GLIS3: variants seen among roughly 807,000 people sequenced by gnomAD.
The protein encoded by GLIS3 is zinc finger protein GLIS3.
A neutral mutation model predicts 78.6 loss-of-function variants in GLIS3; 53 were observed. The ratio of observed to expected loss-of-function variants is 0.67; its 90% CI spans 0.54 to 0.85. The LOEUF is 0.85. Among genes scored for constraint, GLIS3 ranks in the 40% least tolerant of loss-of-function variants. GLIS3 has a pLI of 0.00. For missense variants in GLIS3, 1,703 were observed against 1,231.1 expected, an observed-to-expected ratio of 1.38 and a Z score of -5.74; for synonymous variants, 684 against 509.9, an observed-to-expected ratio of 1.34 and a Z score of -4.60.
the GLIS3 span, among the ~76,000 whole-genome samples, chr9:4,385,889 C>A: frequency 6.6e-6 from 1 of 152,076 alleles, no homozygotes; most frequent in African/African-American, 2.4e-5. Context: ...CTGAGCCAAT[C>A]CCGAAAGAGA....
intron 4 of GLIS3, among the ~76,000 whole-genome samples, chr9:4,060,345 T>G (rs78837883): frequency 0.017 from 2,564 of 152,314 alleles, 67 homozygotes; most frequent in African/African-American, 0.059. Context: ...CTAGCCAGCC[T>G]GCTTCTCGTC....
intron 2 of GLIS3, among the ~76,000 whole-genome samples, chr9:4,260,251 T>C (rs1825384191): frequency 6.6e-6 from 1 of 152,082 alleles, no homozygotes; most frequent in Non-Finnish European, 1.5e-5. Context: ...CCCAACATGG[T>C]GAAACCCTGT....
chr9:4,233,897 AC>A (rs1027919273), intron 2 of GLIS3, among the ~76,000 whole-genome samples: 1 of 152,212 alleles, frequency 6.6e-6, no homozygotes, highest in Non-Finnish European at 1.5e-5. Flanking sequence ...CTACATCACC[AC>A]TTGCTGCTTC....
At chr9:3,960,789 A>G (rs1435704067) in intron 4 of GLIS3, among the ~76,000 whole-genome samples, 11 of 152,202 alleles carry the variant, frequency 7.2e-5, no homozygotes, top group Non-Finnish European at 1.5e-4. Flanking sequence ...GTGCCTTACA[A>G]AAATTTTGCT....
chr9:3,861,742 A>G (rs1036851768), intron 8 of GLIS3, among the ~76,000 whole-genome samples: 5 of 152,202 alleles, frequency 3.3e-5, no homozygotes, highest in African/African-American at 1.2e-4. Flanking sequence ...CAATGAGAAC[A>G]CATGGACACA....
At chr9:4,259,911 C>A (rs1342577489) in intron 2 of GLIS3, among the ~76,000 whole-genome samples, 2 of 152,192 alleles carry the variant, frequency 1.3e-5, no homozygotes, top group East Asian at 3.8e-4. Flanking sequence ...ATTTAAAGGA[C>A]CTACTTATGC....
At chr9:4,432,246 CA>C in the GLIS3 span, among the ~76,000 whole-genome samples, 1 of 152,270 alleles carries the variant, frequency 6.6e-6, no homozygotes, top group East Asian at 1.9e-4. Flanking sequence ...CAACTGTCAT[CA>C]TTTTTAAATG....
chr9:4,449,378 A>C, the GLIS3 span, among the ~76,000 whole-genome samples: 3 of 152,144 alleles, frequency 2.0e-5, no homozygotes, highest in Non-Finnish European at 2.9e-5. Flanking sequence ...TGTAGACCCC[A>C]CCTCTGGTGG....
At chr9:4,386,162 G>A in the GLIS3 span, among the ~76,000 whole-genome samples, 1 of 152,146 alleles carries the variant, frequency 6.6e-6, no homozygotes. Context: ...ACAAGAGAGA[G>A]AGAATAAAAA....
intron 4 of GLIS3, among the ~76,000 whole-genome samples, chr9:4,028,442 A>ATAGGACAC (rs1347111624): frequency 6.6e-6 from 1 of 152,208 alleles, no homozygotes; most frequent in Non-Finnish European, 1.5e-5. Context: ...TCAAGAGCAT[A>ATAGGACAC]TAGGACACTG....
the GLIS3 span, among the ~76,000 whole-genome samples, chr9:4,471,044 A>C: frequency 6.6e-6 from 1 of 151,968 alleles, no homozygotes; most frequent in African/African-American, 2.4e-5. Context: ...AATCCAACTT[A>C]CAAGGGATGT....
chr9:4,128,783 A>G (rs1455018508), intron 2 of GLIS3, among the ~76,000 whole-genome samples: 1 of 152,186 alleles, frequency 6.6e-6, no homozygotes, highest in Non-Finnish European at 1.5e-5. Context: ...ATACATTCAC[A>G]TTGTTTTCTT....
chr9:4,389,129 G>C, the GLIS3 span, among the ~76,000 whole-genome samples: 395 of 152,280 alleles, frequency 2.6e-3, 1 homozygote, highest in Non-Finnish European at 4.5e-3. Flanking sequence ...TGTTTGATGT[G>C]CATTAACTGA....
intron 2 of GLIS3, among the ~76,000 whole-genome samples, chr9:4,345,035 T>C (rs894487826): frequency 6.6e-6 from 1 of 152,224 alleles, no homozygotes; most frequent in African/African-American, 2.4e-5. Flanking sequence ...CTTCAGTCTA[T>C]TGTTAGTACA....
rs144903180 is a variant in GLIS3, at chr9:4,137,099, G to T, written c.389-11158C>A. Among the ~76,000 whole-genome samples, 96 of 152,250 alleles carry T rather than the reference G, an allele frequency of 6.3e-4. 1 individual carries two copies. In the East Asian group the frequency reaches 0.018, roughly 28 times the overall value. On this transcript the variant is annotated intron_variant, in intron 2 of 10. Transcript: ENST00000381971. ...ACAGACGGCATAGCAGCCACAGGGT[G>T]GTAAATGACAAAATAAGAAAGCAAT...
chr9:4,055,509 AG>A (rs1469646315), intron 4 of GLIS3, among the ~76,000 whole-genome samples: 2 of 152,176 alleles, frequency 1.3e-5, no homozygotes, highest in Non-Finnish European at 2.9e-5. Flanking sequence ...GATGCACAAA[AG>A]CTTAAAATAT....
intron 2 of GLIS3, among the ~76,000 whole-genome samples, chr9:4,177,864 G>A (rs1220037164): frequency 6.6e-6 from 1 of 152,190 alleles, no homozygotes; most frequent in Admixed American, 6.5e-5. Flanking sequence ...AATGCTGAAT[G>A]TTTCCAGCAG....
intron 9 of GLIS3, among the ~76,000 whole-genome samples, chr9:3,846,829 T>A (rs1482208201): frequency 2.6e-5 from 4 of 152,190 alleles, no homozygotes; most frequent in African/African-American, 9.6e-5. Flanking sequence ...AGTGAATTGT[T>A]AGTTCATCCT....
intron 7 of GLIS3, among the ~76,000 whole-genome samples, chr9:3,881,368 G>GT (rs1377276707): frequency 6.6e-6 from 1 of 151,968 alleles, no homozygotes; most frequent in Non-Finnish European, 1.5e-5. Context: ...TTCCCCAGAG[G>GT]TTTTTTTGTA....
Sources: allele counts gnomAD v4.1 joint callset (sites outside exome capture counted in the v4.1 genomes callset), GRCh38; gene constraint gnomAD v4.1.1; transcripts MANE v1.5; gene names NCBI Gene and HGNC (gene_info 2026-07-23, HGNC 2026-07-21).